Variants in DAAM2 observed in about 807,000 individuals in gnomAD.
DAAM2 encodes the protein dishevelled associated activator of morphogenesis 2.
DAAM2 carries 39 observed loss-of-function variants against 120.7 expected under a neutral mutation model. That is an observed-to-expected ratio of 0.32 (90% CI 0.25 to 0.42). The LOEUF is 0.42. Among genes scored for constraint, DAAM2 ranks in the 10% least tolerant of loss-of-function variants. The pLI is 1.00. For missense variants in DAAM2, 1,283 were observed against 1,401.7 expected (o/e 0.92, Z 1.35); for synonymous variants, 488 against 524.9 (o/e 0.93, Z 0.96).
intron 1 of DAAM2, among the ~76,000 whole-genome samples, chr6:39,841,994 T>C (rs1482481922): frequency 6.6e-6 from 1 of 152,138 alleles, no homozygotes; most frequent in Non-Finnish European, 1.5e-5. Flanking sequence ...ACATCCTGCA[T>C]TTATCTGAGA....
intron 1 of DAAM2, among the ~76,000 whole-genome samples, chr6:39,833,599 C>T (rs1052694896): frequency 3.3e-5 from 5 of 152,174 alleles, no homozygotes; most frequent in Admixed American, 2.0e-4. Flanking sequence ...TGAGCTACCA[C>T]GCACAGCCTA....
At chr6:39,884,166 C>A in intron 15 of DAAM2, 97 bp downstream of exon 15, 1 of 679,164 alleles carries the variant, frequency 1.5e-6, no homozygotes, top group East Asian at 2.7e-5. Context: ...CTTTCCTTTC[C>A]TTTCCTTCCT....
intron 19 of DAAM2, among the ~76,000 whole-genome samples, chr6:39,895,170 A>G (rs1406685902): frequency 6.6e-6 from 1 of 152,136 alleles, no homozygotes; most frequent in Non-Finnish European, 1.5e-5. Context: ...GAGTATGTAC[A>G]TGTTCAACTT....
At chr6:39,882,038 A>G (rs1765143315) in intron 14 of DAAM2, 1 of 152,218 alleles carries the variant, frequency 6.6e-6, no homozygotes, top group Admixed American at 6.5e-5. Flanking sequence ...CCACGGGGGA[A>G]ACATAATGAA....
chr6:39,867,752 G>A lies in DAAM2; in HGVS notation c.671G>A (p.Gly224Asp). Residue 224 changes from glycine (G) to aspartate (D), a missense_variant, in exon 6 of 25, where the codon GGT (glycine) becomes GAT (aspartate). This residue lies in a region of DAAM2 where 338 missense variants were observed against 443.9 expected (regional missense o/e 0.76). Transcript: ENST00000274867. ...AAGGTGGCTGTGCTGGAGATCCTGG[G>A]TGCTGTGTGCCTCGTGCCTGGTGGC... Reference protein sequence around the residue: ...KTKVAVLEILGAVCLVPGGHK... With the variant: ...KTKVAVLEILDAVCLVPGGHK... 1 of 1,613,948 alleles carries A rather than the reference G, an allele frequency of 6.2e-7. No individual in the cohort carries two copies. Among genetic ancestry groups the A allele is most frequent in the Non-Finnish European group, 8.5e-7 (1 of 1,179,896 alleles).
chr6:39,855,435 T>C (rs960385579), intron 1 of DAAM2, among the ~76,000 whole-genome samples: 1 of 152,192 alleles, frequency 6.6e-6, no homozygotes, highest in Non-Finnish European at 1.5e-5. Context: ...CAGAACAGTG[T>C]TCTCTGTAGT....
At chr6:39,795,642 T>A (rs538890672) in intron 1 of DAAM2, among the ~76,000 whole-genome samples, 2 of 152,274 alleles carry the variant, frequency 1.3e-5, no homozygotes, top group South Asian at 4.1e-4. Flanking sequence ...CACAAGCCAG[T>A]ATTGCTTGGA....
At chr6:39,852,458 A>C (rs1478792781) in intron 1 of DAAM2, among the ~76,000 whole-genome samples, 1 of 152,122 alleles carries the variant, frequency 6.6e-6, no homozygotes, top group African/African-American at 2.4e-5. Flanking sequence ...TGACTTCATA[A>C]ATCTGGCCAG....
chr6:39,847,451 C>T (rs1035598259), intron 1 of DAAM2, among the ~76,000 whole-genome samples: 27 of 152,260 alleles, frequency 1.8e-4, no homozygotes, highest in Non-Finnish European at 2.9e-4. Flanking sequence ...GGCGAGGCCT[C>T]GGGTTCTCCT....
intron 22 of DAAM2, 180 bp from the exon 23 acceptor site, chr6:39,899,897 G>A (rs1766366860): frequency 1.2e-5 from 7 of 607,716 alleles, no homozygotes; most frequent in Non-Finnish European, 1.9e-5. Context: ...AAGATGGCAG[G>A]GTGGGCTGGC....
At chr6:39,840,229 AAAACAAACAAAC>A (rs113463795) in intron 1 of DAAM2, among the ~76,000 whole-genome samples, 4 of 152,012 alleles carry the variant, frequency 2.6e-5, no homozygotes, top group Admixed American at 6.6e-5. Flanking sequence ...AATGTCTCAA[AAAACAAACAAAC>A]AAACAAACAA....
At chr6:39,797,139 C>T (rs1289059454) in intron 1 of DAAM2, among the ~76,000 whole-genome samples, 1 of 152,146 alleles carries the variant, frequency 6.6e-6, no homozygotes, top group Non-Finnish European at 1.5e-5. Context: ...ATGTGACCCT[C>T]TATTGGAATA....
At position 39,902,161 on chromosome 6, in the gene DAAM2, A is replaced by G; in HGVS notation, c.*124A>G. On this transcript the variant is annotated 3_prime_UTR_variant, in exon 25 of 25. Coordinates refer to ENST00000274867, the MANE Select transcript of DAAM2 (RefSeq NM_001201427.2). ...TTAGAGCCTTGGGCTGGGTCCTGGG[A>G]TGGGGGGCTGTGTGTGGCTGGACCA... 1.3e-6 allele frequency: 1 copy of G among 793,720 alleles called. No homozygotes were observed. The highest frequency in any genetic ancestry group is 1.9e-6 in the Non-Finnish European group (1 of 524,560). The allele number at this position is 793,720 out of a possible 1,614,324, so 49.2% of individuals were successfully genotyped here.
chr6:39,823,448 C>T (rs753756137), intron 1 of DAAM2, among the ~76,000 whole-genome samples: 8 of 152,156 alleles, frequency 5.3e-5, no homozygotes, highest in East Asian at 1.9e-4. Context: ...TCAGGAAAAA[C>T]GAAGACTCTT....
At chr6:39,825,528 TG>T (rs1209948050) in intron 1 of DAAM2, among the ~76,000 whole-genome samples, 1 of 151,630 alleles carries the variant, frequency 6.6e-6, no homozygotes, top group Non-Finnish European at 1.5e-5. Context: ...GTGTGTGTGT[TG>T]GGGGGCACTT....
chr6:39,793,051 C>G (rs1481767506), intron 1 of DAAM2: 1 of 152,250 alleles, frequency 6.6e-6, no homozygotes, highest in Non-Finnish European at 1.5e-5. Flanking sequence ...GGGCTCTCAG[C>G]ACCTGCGGTC....
intron 1 of DAAM2, among the ~76,000 whole-genome samples, chr6:39,799,650 A>G (rs1761802370): frequency 6.6e-6 from 1 of 152,212 alleles, no homozygotes; most frequent in African/African-American, 2.4e-5. Context: ...GAGGAAATGA[A>G]ATACTATTTA....
At chr6:39,845,499 A>C (rs543388238) in intron 1 of DAAM2, among the ~76,000 whole-genome samples, 1 of 150,788 alleles carries the variant, frequency 6.6e-6, no homozygotes, top group African/African-American at 2.4e-5. Context: ...ACATGCGCAT[A>C]CACCAAGTAC....
chr6:39,861,272 G>A (rs1321755575), intron 3 of DAAM2: 12 of 524,912 alleles, frequency 2.3e-5, no homozygotes, highest in Non-Finnish European at 4.3e-5. Context: ...GGCTTGCTGG[G>A]AGACAGACAA....
Sources: gnomAD v4.1 joint callset for allele counts (sites outside exome capture counted in the v4.1 genomes callset) on GRCh38, gnomAD v4.1.1 for gene constraint, gnomAD v4.1.1 regional missense constraint, MANE v1.5 for transcripts, NCBI Gene and HGNC (gene_info 2026-07-23, HGNC 2026-07-21) for gene names.